MPRIP: variants seen among roughly 807,000 people sequenced by gnomAD.
The protein encoded by MPRIP is myosin phosphatase Rho interacting protein.
A neutral mutation model predicts 234.9 loss-of-function variants in MPRIP; 59 were observed. The ratio of observed to expected loss-of-function variants is 0.25; its 90% confidence interval spans 0.20 to 0.31. The LOEUF (loss-of-function observed/expected upper bound fraction) is 0.31. Ranked by LOEUF, MPRIP falls within the 10% of genes least tolerant of loss-of-function variation. The pLI is 1.00. For missense variants in MPRIP, 2,436 were observed against 3,071.0 expected, an observed-to-expected ratio of 0.79 and a Z score of 4.89; for synonymous variants, 1,144 against 1,263.9, an observed-to-expected ratio of 0.91 and a Z score of 2.01.
chr17:17,092,309 C>T (rs2089737706), intron 3 of MPRIP, among the ~76,000 whole-genome samples: 2 of 152,206 alleles, frequency 1.3e-5, no homozygotes, highest in South Asian at 2.1e-4. Context: ...AAATGTCCAG[C>T]GCTAGAATTT....
chr17:17,117,310 G>T (rs2090305140), intron 3 of MPRIP, among the ~76,000 whole-genome samples: 1 of 152,224 alleles, frequency 6.6e-6, no homozygotes, highest in Non-Finnish European at 1.5e-5. Flanking sequence ...TGTGACAGAA[G>T]GGGGTAGATT....
At chr17:17,172,612 T>C (rs963199888) in intron 17 of MPRIP, 86 bp from the exon 18 acceptor site, 114 of 1,002,052 alleles carry the variant, frequency 1.1e-4, no homozygotes, top group Non-Finnish European at 1.7e-4. Flanking sequence ...GCAGGCGCCA[T>C]CCCATTGTGT....
At chr17:17,069,950 T>A (rs2089153835) in intron 1 of MPRIP, among the ~76,000 whole-genome samples, 1 of 152,228 alleles carries the variant, frequency 6.6e-6, no homozygotes. Flanking sequence ...AGCAAAAAAC[T>A]TCTCTTAGTT....
chr17:17,071,203 G>A (rs759454813), intron 1 of MPRIP, among the ~76,000 whole-genome samples: 2 of 152,226 alleles, frequency 1.3e-5, no homozygotes, highest in Non-Finnish European at 2.9e-5. Context: ...TGGGGGTGGG[G>A]TGCTGCCTTT....
intron 3 of MPRIP, among the ~76,000 whole-genome samples, chr17:17,123,945 TA>T (rs1471504324): frequency 6.6e-6 from 1 of 152,156 alleles, no homozygotes; most frequent in African/African-American, 2.4e-5. Flanking sequence ...GAAGAGGGCA[TA>T]AAAGGGAGTG....
chr17:17,056,441 G>T (rs2088699190), intron 1 of MPRIP, among the ~76,000 whole-genome samples: 1 of 152,172 alleles, frequency 6.6e-6, no homozygotes, highest in Admixed American at 6.5e-5. Context: ...CTTGAATACA[G>T]TGGGGAGCAG....
intron 1 of MPRIP, among the ~76,000 whole-genome samples, chr17:17,045,947 A>G (rs1007687960): frequency 5.9e-5 from 9 of 152,018 alleles, no homozygotes; most frequent in South Asian, 2.1e-4. Flanking sequence ...CTGGGACTAC[A>G]GGCACCCGCC....
At chr17:17,109,569 A>C (rs1450462562) in intron 3 of MPRIP, among the ~76,000 whole-genome samples, 1 of 152,198 alleles carries the variant, frequency 6.6e-6, no homozygotes, top group Non-Finnish European at 1.5e-5. Flanking sequence ...GGATACAGAG[A>C]GAAGTGTTTA....
chr17:17,044,768 T>C (rs2088291734), intron 1 of MPRIP, among the ~76,000 whole-genome samples: 1 of 152,174 alleles, frequency 6.6e-6, no homozygotes, highest in East Asian at 1.9e-4. Flanking sequence ...GATTATTAAT[T>C]GGATTCACGG....
intron 14 of MPRIP, among the ~76,000 whole-genome samples, chr17:17,160,191 C>A (rs1042544002): frequency 6.6e-6 from 1 of 152,070 alleles, no homozygotes; most frequent in East Asian, 1.9e-4. Context: ...CATGGTGAAA[C>A]CCCGTCTCTA....
chr17:17,057,349 T>G (rs1397373725), intron 1 of MPRIP, among the ~76,000 whole-genome samples: 1 of 152,242 alleles, frequency 6.6e-6, no homozygotes, highest in Non-Finnish European at 1.5e-5. Flanking sequence ...GGTACACGCC[T>G]TCTTTCTTCC....
chr17:17,163,110 A>G (rs1300099445), intron 15 of MPRIP, among the ~76,000 whole-genome samples: 2 of 152,168 alleles, frequency 1.3e-5, no homozygotes, highest in Non-Finnish European at 2.9e-5. Context: ...CAGAATGAGC[A>G]GGGGGTCTGT....
Position 17,167,753 on chromosome 17 carries a change from G to A in MPRIP, c.6162G>A (p.Gln2054=). 1 of 1,304,226 alleles carries A rather than the reference G, an allele frequency of 7.7e-7. No individual in the cohort carries two copies. The highest frequency in any genetic ancestry group is 2.1e-4 in the Middle Eastern group (1 of 4,658). The allele number at this position is 1,304,226 out of a possible 1,614,324, so 80.8% of individuals were successfully genotyped here. The change falls in exon 16 of 24, where the codon CAG becomes CAA. Residue 2054 remains glutamine, a synonymous_variant. Coordinates refer to ENST00000651222, the MANE Select transcript of MPRIP (RefSeq NM_001364716.4). This position sits in a 1 kb window ranked among gnomAD's most constrained non-coding sequence, Gnocchi z 5.9. The part of the protein sequence containing the change: ...KALPAPAPNW[Q]ATQGEADSMT... ...TGCCAGCCCCTGCCCCCAACTGGCAGGCCACCCAGGGAGAGGCTGACTCCA... is the reference window on the plus strand; with the variant it reads ...TGCCAGCCCCTGCCCCCAACTGGCAAGCCACCCAGGGAGAGGCTGACTCCA...
chr17:17,048,186 C>T (rs1252846368), intron 1 of MPRIP, among the ~76,000 whole-genome samples: 1 of 152,066 alleles, frequency 6.6e-6, no homozygotes. Flanking sequence ...ATTGCTCAGG[C>T]CTGTTTTCCC....
rs1166025307 is a variant in MPRIP, at chr17:17,165,333, C to T, written c.3742C>T (p.Pro1248Ser). ...GGATGGCACTTTGCTCCCAGGCCAA[C>T]CAGTCCAAGCCACTAGGGCACCTCT... ...ERDGTLLPGQ[P>S]VQATRAPLGL... Residue 1248 changes from proline to serine, a missense_variant, in exon 16 of 24, where the codon CCA (proline) becomes TCA (serine). Physicochemically the swap from Pro to Ser is moderately conservative, Grantham distance 74. Transcript: ENST00000651222. 7.7e-6 allele frequency: 10 copies of T among 1,303,954 alleles called. No individual in the cohort carries two copies. The highest frequency in any genetic ancestry group is 1.0e-5 in the Non-Finnish European group (10 of 988,964). 80.8% of individuals were successfully genotyped at this position (1,303,954 alleles called of 1,614,324 possible).
At chr17:17,180,752 C>A in intron 23 of MPRIP, 1 of 1,369,122 alleles carries the variant, frequency 7.3e-7, no homozygotes, top group South Asian at 1.2e-5. Context: ...TATTTCAATT[C>A]ATCCTGCTCC....
chr17:17,048,836 G>A lies in MPRIP; in HGVS notation c.123+5865G>A, dbSNP rs1035719402. ...CCAGCATTCCCACTTCTAGGTATAT[G>A]CCAAGAAGAATTGAGGACAGGTGTA... On this transcript the variant is annotated intron_variant, in intron 1 of 23. Coordinates refer to ENST00000651222, the MANE Select transcript of MPRIP (RefSeq NM_001364716.4). 1.8e-4 allele frequency among the ~76,000 whole-genome samples: 28 copies of A among 152,180 alleles called. 1 individual carries two copies. Among genetic ancestry groups the A allele is most frequent in the Non-Finnish European group, 1.5e-5 (1 of 68,046 alleles).
At chr17:17,117,118 G>A (rs781486534) in intron 3 of MPRIP, among the ~76,000 whole-genome samples, 3 of 152,122 alleles carry the variant, frequency 2.0e-5, no homozygotes, top group African/African-American at 4.8e-5. Context: ...GAACATGCCC[G>A]ACACTGTCCT....
At chr17:17,069,427 C>T (rs572955992) in intron 1 of MPRIP, among the ~76,000 whole-genome samples, 6 of 149,024 alleles carry the variant, frequency 4.0e-5, no homozygotes, top group African/African-American at 1.2e-4. Context: ...AAAATATTTA[C>T]GGATAACTTA....
Sources: allele counts gnomAD v4.1 joint callset (sites outside exome capture counted in the v4.1 genomes callset), GRCh38; gene constraint gnomAD v4.1.1; non-coding constraint Gnocchi (gnomAD v3.1); transcripts MANE v1.5; gene names NCBI Gene and HGNC (gene_info 2026-07-23, HGNC 2026-07-21).